Variants in EXOC6B observed in about 807,000 individuals in gnomAD.
The protein encoded by EXOC6B is exocyst complex component 6B.
Under a neutral mutation model 113.5 loss-of-function variants are expected in EXOC6B, and 54 were observed. That is an observed-to-expected ratio of 0.48 (90% CI 0.38 to 0.60). The LOEUF is 0.60. Among genes scored for constraint, EXOC6B ranks in the 20% least tolerant of loss-of-function variants. EXOC6B has a pLI of 0.00. For missense variants in EXOC6B, 797 were observed against 977.5 expected (o/e 0.82, Z 2.46); for synonymous variants, 357 against 339.0 (o/e 1.05, Z -0.58).
intron 20 of EXOC6B, among the ~76,000 whole-genome samples, chr2:72,292,572 C>T (rs1243658729): frequency 2.0e-5 from 3 of 151,742 alleles, no homozygotes; most frequent in Non-Finnish European, 2.9e-5. Flanking sequence ...GAATATGATT[C>T]TATAAAAGTT....
chr2:72,364,359 C>A (rs906825981), intron 19 of EXOC6B, among the ~76,000 whole-genome samples: 1 of 151,998 alleles, frequency 6.6e-6, no homozygotes, highest in Admixed American at 6.6e-5. Context: ...AATCAATGAA[C>A]CTTAGTGGCT....
intron 6 of EXOC6B, among the ~76,000 whole-genome samples, chr2:72,591,842 C>G (rs1283745198): frequency 6.6e-6 from 1 of 151,764 alleles, no homozygotes; most frequent in African/African-American, 2.4e-5. Context: ...AAAGGGCAAA[C>G]TAAAGGAGGA....
intron 18 of EXOC6B, among the ~76,000 whole-genome samples, chr2:72,402,074 G>A (rs1445101075): frequency 2.6e-5 from 4 of 151,594 alleles, no homozygotes; most frequent in African/African-American, 9.7e-5. Context: ...TTAAGAATTT[G>A]TGTTAATTAT....
chr2:72,421,726 G>A (rs928994976), intron 18 of EXOC6B, among the ~76,000 whole-genome samples: 23 of 152,234 alleles, frequency 1.5e-4, no homozygotes, highest in Non-Finnish European at 2.8e-4. Context: ...CCACTTTGGC[G>A]GCACTTGAGG....
chr2:72,701,979 G>C (rs1678383257), intron 6 of EXOC6B, among the ~76,000 whole-genome samples: 1 of 148,660 alleles, frequency 6.7e-6, no homozygotes, highest in Admixed American at 6.8e-5. Flanking sequence ...GTGCAGGTTA[G>C]TTACATATGT....
chr2:72,661,775 A>T (rs1376374074), intron 6 of EXOC6B, among the ~76,000 whole-genome samples: 1 of 152,072 alleles, frequency 6.6e-6, no homozygotes, highest in Non-Finnish European at 1.5e-5. Flanking sequence ...ATAAAGTGAG[A>T]GGAATTACAC....
intron 6 of EXOC6B, among the ~76,000 whole-genome samples, chr2:72,608,924 A>T (rs1462582068): frequency 6.6e-6 from 1 of 152,122 alleles, no homozygotes; most frequent in African/African-American, 2.4e-5. Context: ...TAAATCTACC[A>T]TGGATGAGGA....
intron 6 of EXOC6B, among the ~76,000 whole-genome samples, chr2:72,617,696 G>A (rs1018813226): frequency 1.3e-5 from 2 of 151,392 alleles, no homozygotes; most frequent in Non-Finnish European, 2.9e-5. Flanking sequence ...TGTATTTTTT[G>A]TAGAGATGGG....
chr2:72,545,762 C>T (rs1289944873), intron 8 of EXOC6B, among the ~76,000 whole-genome samples: 1 of 152,144 alleles, frequency 6.6e-6, no homozygotes, highest in Non-Finnish European at 1.5e-5. Context: ...TATCTTAAGT[C>T]TAACTTTGAG....
chr2:72,553,544 G>T (rs1420753786), intron 8 of EXOC6B, among the ~76,000 whole-genome samples: 1 of 151,828 alleles, frequency 6.6e-6, no homozygotes, highest in East Asian at 1.9e-4. Flanking sequence ...TCTATATTTT[G>T]ATATATTATA....
intron 1 of EXOC6B, among the ~76,000 whole-genome samples, chr2:72,812,730 T>C (rs1427994276): frequency 1.3e-5 from 2 of 151,830 alleles, no homozygotes; most frequent in Non-Finnish European, 2.9e-5. Flanking sequence ...AAATTTTATA[T>C]AAAAAGGCAA....
intron 6 of EXOC6B, among the ~76,000 whole-genome samples, chr2:72,583,260 G>T (rs533677085): frequency 6.6e-6 from 1 of 152,150 alleles, no homozygotes; most frequent in Non-Finnish European, 1.5e-5. Context: ...AGAAGAAAAA[G>T]TCAACAACCT....
chr2:72,415,603 T>C (rs563952119), intron 18 of EXOC6B, among the ~76,000 whole-genome samples: 3 of 152,048 alleles, frequency 2.0e-5, no homozygotes, highest in East Asian at 1.9e-4. Flanking sequence ...TGATCGGACT[T>C]AGATCCAAGA....
At chr2:72,447,342 T>C (rs896617084) in intron 18 of EXOC6B, among the ~76,000 whole-genome samples, 1 of 152,184 alleles carries the variant, frequency 6.6e-6, no homozygotes, top group African/African-American at 2.4e-5. Context: ...ACCTAAGAAA[T>C]GTCTATTAAA....
intron 1 of EXOC6B, among the ~76,000 whole-genome samples, chr2:72,757,248 A>T (rs950856103): frequency 6.6e-6 from 1 of 152,226 alleles, no homozygotes; most frequent in South Asian, 2.1e-4. Flanking sequence ...ATAAATGCTT[A>T]AAACAATAAT....
chr2:72,213,550 AGAATCTC>A, intron 20 of EXOC6B, among the ~76,000 whole-genome samples: 1 of 152,270 alleles, frequency 6.6e-6, no homozygotes, highest in South Asian at 2.1e-4. Flanking sequence ...GAATTGCCTT[AGAATCTC>A]TACAGTGACT....
In EXOC6B at chr2:72,694,315, G is replaced by A. The variant is rs560181079; in HGVS notation, c.669+23788C>T. Among the ~76,000 whole-genome samples the A allele has an allele frequency of 7.9e-5, 12 of 152,166 alleles. No individual in the cohort carries two copies. The East Asian group carries it at 1.2e-3, about 15-fold the overall frequency. ...AAATTAGCCAGACATGGTGGTGGGCGCCTGTAATCCCAGCTACTCAGGAAA... is the reference window on the plus strand; with the variant it reads ...AAATTAGCCAGACATGGTGGTGGGCACCTGTAATCCCAGCTACTCAGGAAA... On this transcript the variant is annotated intron_variant, in intron 6 of 21. Transcript: ENST00000272427.
At chr2:72,338,228 A>G (rs1263428506) in intron 19 of EXOC6B, among the ~76,000 whole-genome samples, 1 of 152,216 alleles carries the variant, frequency 6.6e-6, no homozygotes, top group East Asian at 1.9e-4. Context: ...TGCTATGAGG[A>G]TTAAACAGAA....
At chr2:72,254,742 T>G (rs564107114) in intron 20 of EXOC6B, among the ~76,000 whole-genome samples, 2 of 152,202 alleles carry the variant, frequency 1.3e-5, no homozygotes, top group Non-Finnish European at 2.9e-5. Flanking sequence ...CCAGGCGTGG[T>G]GGCTCACACC....
Sources: gnomAD v4.1 joint callset for allele counts (sites outside exome capture counted in the v4.1 genomes callset) on GRCh38, gnomAD v4.1.1 for gene constraint, MANE v1.5 for transcripts, NCBI Gene and HGNC (gene_info 2026-07-23, HGNC 2026-07-21) for gene names.